KHDRBS1: variants seen among roughly 807,000 people sequenced by gnomAD.
The protein encoded by KHDRBS1 is KH RNA binding domain containing, signal transduction associated 1.
A neutral mutation model predicts 48.4 loss-of-function variants in KHDRBS1; 7 were observed. The ratio of observed to expected loss-of-function variants is 0.14; its 90% CI spans 0.08 to 0.27. The LOEUF (loss-of-function observed/expected upper bound fraction) is 0.27, where lower values mean the gene tolerates loss of function less well. KHDRBS1 is among the 10% of genes least tolerant of loss of function. The pLI is 1.00. For missense variants in KHDRBS1, 458 were observed against 601.2 expected (o/e 0.76, Z 2.49); for synonymous variants, 241 against 235.8 (o/e 1.02, Z -0.20).
chr1:32,044,599 A>C (rs1007651293), downstream of KHDRBS1, among the ~76,000 whole-genome samples: 3 of 152,180 alleles, frequency 2.0e-5, no homozygotes, highest in Non-Finnish European at 2.9e-5. Flanking sequence ...TGCATGATGG[A>C]CATTTTTTTT....
At chr1:32,023,058 T>TA (rs1638893713) in intron 1 of KHDRBS1, among the ~76,000 whole-genome samples, 1 of 152,182 alleles carries the variant, frequency 6.6e-6, no homozygotes, top group Non-Finnish European at 1.5e-5. Context: ...CTATTTTTCT[T>TA]ATTAACATTC....
Position 32,039,544 on chromosome 1 carries a change from G to A in KHDRBS1, c.1205G>A (p.Gly402Glu). The change falls in exon 8 of 9, where the codon GGG becomes GAG. Residue 402 changes from glycine (G) to glutamate (E), a missense_variant. Around this residue, in one of 3 missense-constraint regions of KHDRBS1, gnomAD observed 171 missense variants for 228.7 expected, o/e 0.75. Coordinates refer to ENST00000327300, the MANE Select transcript of KHDRBS1 (RefSeq NM_006559.3). Reference sequence around the variant, plus strand: ...TCAGAATATTATGACTATGGACATGGGGAGGTTCAAGATTCTTATGAAGCT... The same window carrying A: ...TCAGAATATTATGACTATGGACATGAGGAGGTTCAAGATTCTTATGAAGCT... ...GDSEYYDYGH[G>E]EVQDSYEAYG... is the part of the protein sequence containing the mutation. 1 of 1,537,724 alleles carries A rather than the reference G, an allele frequency of 6.5e-7. No homozygotes were observed. The highest frequency in any genetic ancestry group is 9.0e-7 in the Non-Finnish European group (1 of 1,110,422).
rs149049972 is a variant in KHDRBS1 at position 32,026,859 on chromosome 1, A to G, written c.383-3439A>G. Among the ~76,000 whole-genome samples, 38 of 152,264 alleles carry G rather than the reference A, an allele frequency of 2.5e-4. No individual in the cohort carries two copies. In the East Asian group the frequency reaches 7.3e-3, roughly 29 times the overall value. ...GCCCAAGCTGGAGTGCAGTGGCGCA[A>G]TCTGAGCTCACTGCAGCCTCTGCCT... On this transcript the variant is annotated intron_variant, in intron 1 of 8. Transcript: ENST00000327300.
chr1:32,056,409 C>A (rs1442658202), intron 10 of KHDRBS1, among the ~76,000 whole-genome samples: 3 of 152,142 alleles, frequency 2.0e-5, no homozygotes, highest in African/African-American at 7.2e-5. Flanking sequence ...AAATAGGGCA[C>A]CTTGCCAGAA....
Position 32,014,074 on chromosome 1 carries a change from C to A in KHDRBS1, c.79C>A (p.His27Asn), listed in dbSNP as rs1052519460. ...RSGSMDPSGA[H>N]PSVRQTPSRQ... ...CGGCTCCATGGACCCCTCCGGTGCC[C>A]ACCCCTCGGTGCGTCAGACGCCGTC... The change falls in exon 1 of 9, where the codon CAC becomes AAC. Residue 27 changes from histidine to asparagine, a missense_variant. Transcript: ENST00000327300. 1.3e-6 allele frequency: 2 copies of A among 1,488,000 alleles called. No individual in the cohort carries two copies. Among genetic ancestry groups the A allele is most frequent in the African/African-American group, 2.9e-5 (2 of 68,840 alleles). The allele number at this position is 1,488,000 out of a possible 1,614,324, so 92.2% of individuals were successfully genotyped here. A position where few individuals can be genotyped will look rare whatever the true frequency, so the allele number is the denominator to read the frequency against.
chr1:32,055,757 T>C (rs1639473508), intron 10 of KHDRBS1, among the ~76,000 whole-genome samples: 1 of 152,106 alleles, frequency 6.6e-6, no homozygotes, highest in South Asian at 2.1e-4. Flanking sequence ...CTAGTCCTAT[T>C]GTAGCCTGAT....
chr1:32,032,204 G>C (rs897073142), intron 3 of KHDRBS1, among the ~76,000 whole-genome samples: 21 of 152,152 alleles, frequency 1.4e-4, no homozygotes, highest in African/African-American at 5.1e-4. Context: ...TGTGTACTCT[G>C]TGACAAGAAA....
chr1:32,042,475 C>T (rs992223696), intron 8 of KHDRBS1, 52 bp from the exon 9 acceptor site: 13 of 1,213,244 alleles, frequency 1.1e-5, no homozygotes, highest in Admixed American at 6.9e-5. Flanking sequence ...CCCTGCTTAT[C>T]CCTAAGTGCT....
intron 1 of KHDRBS1, among the ~76,000 whole-genome samples, chr1:32,026,381 C>T (rs1638971171): frequency 6.6e-6 from 1 of 152,174 alleles, no homozygotes; most frequent in Non-Finnish European, 1.5e-5. Context: ...TGGTCCCAAA[C>T]TCCTGGGCTC....
chr1:32,042,584 T>C lies in KHDRBS1; in HGVS notation c.1292T>C (p.Val431Ala). The change falls in exon 9 of 9, where the codon GTG (valine) becomes GCG (alanine). Residue 431 changes from valine to alanine, a missense_variant. Physicochemically the swap from Val to Ala is moderately conservative, Grantham distance 64 (BLOSUM62 0). Coordinates refer to ENST00000327300, the MANE Select transcript of KHDRBS1 (RefSeq NM_006559.3). The part of the protein sequence containing the change: ...PSLKAPPARP[V>A]KGAYREHPYG... Reference sequence around the variant, plus strand: ...CTGAAGGCCCCTCCTGCTAGGCCAGTGAAGGGAGCATACAGAGAGCACCCA... The same window carrying C: ...CTGAAGGCCCCTCCTGCTAGGCCAGCGAAGGGAGCATACAGAGAGCACCCA... 6.2e-7 allele frequency: 1 copy of C among 1,613,588 alleles called. No homozygotes were observed.
chr1:32,051,227 C>T (rs1249635095), intron 10 of KHDRBS1, among the ~76,000 whole-genome samples: 1 of 152,216 alleles, frequency 6.6e-6, no homozygotes, highest in Non-Finnish European at 1.5e-5. Context: ...GTGGATATCC[C>T]ATTGTCCCGG....
rs192759761 is a variant in KHDRBS1 at position 32,051,285 on chromosome 1, G to T, written n.1301+5895G>T. On this transcript the variant is annotated intron_variant and non_coding_transcript_variant, in intron 10 of 10. Coordinates refer to the KHDRBS1 transcript ENST00000484270. Reference sequence around the variant, plus strand: ...TCTTTCTTCATTGAATGGTCTTGTCGCCCTTATCAAAAATCAGTTAACCAC... The same window carrying T: ...TCTTTCTTCATTGAATGGTCTTGTCTCCCTTATCAAAAATCAGTTAACCAC... 2.1e-4 allele frequency among the ~76,000 whole-genome samples: 32 copies of T among 152,240 alleles called. 1 individual carries two copies. The highest frequency in any genetic ancestry group is 1.8e-3 in the Admixed American group (28 of 15,288).
chr1:32,049,441 T>C (rs1238312243), intron 10 of KHDRBS1, among the ~76,000 whole-genome samples: 4 of 151,692 alleles, frequency 2.6e-5, no homozygotes, highest in Non-Finnish European at 5.9e-5. Context: ...TTTTTTTTAC[T>C]GTTAAATGCG....
chr1:32,033,185 TAGG>T lies in KHDRBS1; in HGVS notation c.627_629del (p.Glu211del). 2 of 1,612,668 alleles carry T rather than the reference TAGG, an allele frequency of 1.2e-6. No individual in the cohort carries two copies. The highest frequency in any genetic ancestry group is 1.7e-6 in the Non-Finnish European group (2 of 1,178,660). On this transcript the variant is annotated splice_acceptor_variant and coding_sequence_variant, in exon 4 of 9. Transcript: ENST00000327300. LOFTEE classifies it high-confidence loss of function. ...TGTGACATTTCTCTGCATTTTTCCA[TAGG>T]AGGAAGAGCTGCGCAAAGGTGGAGA...
chr1:32,034,459 C>T (rs2124380769), intron 4 of KHDRBS1, among the ~76,000 whole-genome samples: 1 of 152,218 alleles, frequency 6.6e-6, no homozygotes, highest in African/African-American at 2.4e-5. Context: ...ACTAGGGAGG[C>T]TGAGGCGGGA....
rs1469140877 is a variant in KHDRBS1, at chr1:32,043,636, A to G, written c.*1012A>G. 3 of 152,658 alleles carry G rather than the reference A, an allele frequency of 2.0e-5. No homozygotes were observed. The highest frequency in any genetic ancestry group is 4.4e-5 in the Non-Finnish European group (3 of 68,040). 9.5% of individuals were successfully genotyped at this position (152,658 alleles called of 1,614,324 possible). On this transcript the variant is annotated 3_prime_UTR_variant, in exon 9 of 9. Coordinates refer to ENST00000327300, the MANE Select transcript of KHDRBS1 (RefSeq NM_006559.3). ...TTGTCAATATATCGAACTGTTCCCAAGTTAGTCAAGTATGTCTCAACACTA... is the reference window on the plus strand; with the variant it reads ...TTGTCAATATATCGAACTGTTCCCAGGTTAGTCAAGTATGTCTCAACACTA...
At chr1:32,036,211 G>A (rs866561599) in intron 4 of KHDRBS1, among the ~76,000 whole-genome samples, 28 of 111,896 alleles carry the variant, frequency 2.5e-4, no homozygotes, top group Middle Eastern at 0.01. Flanking sequence ...TCTCTCTTTC[G>A]CCCAGGCCGG....
chr1:32,037,103 T>C (rs1639198690), intron 5 of KHDRBS1, 60 bp downstream of exon 5: 19 of 1,561,326 alleles, frequency 1.2e-5, no homozygotes, highest in Non-Finnish European at 1.7e-5. Context: ...TGTCATCTCT[T>C]TTAGTGGTGC....
At chr1:32,044,344 C>T (rs1639332738), downstream of KHDRBS1, among the ~76,000 whole-genome samples, 1 of 152,198 alleles carries the variant, frequency 6.6e-6, no homozygotes. Context: ...TCTGGGTGCC[C>T]TTGAGGGTTT....
Sources: gnomAD v4.1 joint callset for allele counts (sites outside exome capture counted in the v4.1 genomes callset) on GRCh38, gnomAD v4.1.1 for gene constraint, gnomAD v4.1.1 regional missense constraint, MANE v1.5 for transcripts, NCBI Gene and HGNC (gene_info 2026-07-23, HGNC 2026-07-21) for gene names.